HCK: variants seen among roughly 807,000 people sequenced by gnomAD.
The protein encoded by HCK is HCK proto-oncogene, Src family tyrosine kinase.
In HCK, 40 loss-of-function variants were observed where a neutral mutation model predicts 70.4. The observed-to-expected ratio is 0.57, with a 90% confidence interval of 0.44 to 0.74. The LOEUF is 0.74. HCK is among the 30% of genes least tolerant of loss of function. The pLI is 0.00. For synonymous variants in HCK, 245 were observed against 263.2 expected (o/e 0.93, Z 0.67); for missense variants, 568 against 697.2 (o/e 0.81, Z 2.09).
intron 1 of HCK, among the ~76,000 whole-genome samples, chr20:32,059,997 A>C (rs534270649): frequency 1.8e-4 from 28 of 152,212 alleles, no homozygotes; most frequent in African/African-American, 6.7e-4. Flanking sequence ...TGAGGATTCC[A>C]TTTGTGGAGG....
intron 1 of HCK, among the ~76,000 whole-genome samples, chr20:32,062,646 G>A (rs1019654497): frequency 2.0e-5 from 3 of 152,130 alleles, no homozygotes; most frequent in Non-Finnish European, 4.4e-5. Context: ...GATCTCCCAA[G>A]TTTCCTCCTG....
intron 1 of HCK, among the ~76,000 whole-genome samples, chr20:32,060,323 CAA>C (rs2045349570): frequency 6.6e-6 from 1 of 152,190 alleles, no homozygotes; most frequent in South Asian, 2.1e-4. Flanking sequence ...TGAGTTCAAG[CAA>C]TTCTCCTGCC....
Position 32,061,350 on chromosome 20 carries a change from G to C in HCK, c.62+8864G>C, listed in dbSNP as rs190257225. ...CCTTGGCCAAAGTCTCTTGACAGAG[G>C]TCCCCCAGACATGGGTGGGCTTCGG... On this transcript the variant is annotated intron_variant, in intron 1 of 12. Transcript: ENST00000375852. Among the ~76,000 whole-genome samples, 591 of 152,338 alleles carry C rather than the reference G, an allele frequency of 3.9e-3. 1 individual carries two copies. The highest frequency in any genetic ancestry group is 0.013 in the African/African-American group (559 of 41,578).
At chr20:32,093,490 CGTGTGTGTGTGT>C (rs3073297) in intron 10 of HCK, among the ~76,000 whole-genome samples, 7 of 146,420 alleles carry the variant, frequency 4.8e-5, no homozygotes, top group East Asian at 2.1e-4. Context: ...TCCTAGGGTT[CGTGTGTGTGTGT>C]GTGTGTGTGT....
chr20:32,093,819 G>A (rs377461587), intron 10 of HCK, 44 bp from the exon 11 acceptor site: 21 of 1,569,070 alleles, frequency 1.3e-5, no homozygotes, highest in African/African-American at 5.5e-5. Context: ...CCATCTTGGC[G>A]TAGGCCAGGT....
chr20:32,061,348 A>G (rs2045373098), intron 1 of HCK, among the ~76,000 whole-genome samples: 1 of 152,200 alleles, frequency 6.6e-6, no homozygotes, highest in Non-Finnish European at 1.5e-5. Context: ...CTCTTGACAG[A>G]GGTCCCCCAG....
chr20:32,076,429 C>T (rs1359530845), intron 5 of HCK, among the ~76,000 whole-genome samples: 1 of 152,190 alleles, frequency 6.6e-6, no homozygotes, highest in East Asian at 1.9e-4. Flanking sequence ...TCATCCCATG[C>T]TCTGTTTCTC....
chr20:32,077,874 G>A (rs1011843693), intron 5 of HCK, among the ~76,000 whole-genome samples: 9 of 151,998 alleles, frequency 5.9e-5, no homozygotes, highest in Admixed American at 2.0e-4. Flanking sequence ...ATGTCCTACC[G>A]TCCATTTAAC....
chr20:32,101,134 T>C (rs1337831497), intron 12 of HCK, among the ~76,000 whole-genome samples, 183 bp from the exon 13 acceptor site: 1 of 152,140 alleles, frequency 6.6e-6, no homozygotes, highest in Non-Finnish European at 1.5e-5. Flanking sequence ...CCAAACTGGG[T>C]CCCAGGCCCA....
At chr20:32,069,754 A>G (rs2045511080) in intron 1 of HCK, 1 of 1,276,256 alleles carries the variant, frequency 7.8e-7, no homozygotes, top group Non-Finnish European at 1.0e-6. Context: ...CAGAAGAGGT[A>G]AATCCTTGTA....
At position 32,088,613 on chromosome 20, in the gene HCK, C is replaced by T. The variant is rs2045822188; in HGVS notation, c.1061C>T (p.Pro354Leu). 2.5e-6 allele frequency: 4 copies of T among 1,614,044 alleles called. No homozygotes were observed. Among genetic ancestry groups the T allele is most frequent in the Non-Finnish European group, 3.4e-6 (4 of 1,179,990 alleles). Residue 354 changes from proline (P) to leucine (L), a missense_variant, in exon 10 of 13, where the codon CCA becomes CTA. Pro to Leu is a moderately conservative substitution (Grantham distance 98). Transcript: ENST00000375852. ...AAAAGTGATGAGGGCAGCAAGCAGC[C>T]ATTGCCAAAACTCATTGACTTCTCA...
chr20:32,056,530 C>T (rs1318360181), intron 1 of HCK, among the ~76,000 whole-genome samples: 1 of 147,866 alleles, frequency 6.8e-6, no homozygotes, highest in African/African-American at 2.5e-5. Flanking sequence ...AAAAAAAAAA[C>T]AGTAGTTCTA....
chr20:32,052,699 G>A (rs903309596), intron 1 of HCK, among the ~76,000 whole-genome samples: 1 of 151,814 alleles, frequency 6.6e-6, no homozygotes, highest in Admixed American at 6.5e-5. Context: ...GTTGCGGACT[G>A]CTGGATTCCC....
intron 7 of HCK, 75 bp downstream of exon 7, chr20:32,084,118 C>T: frequency 6.7e-7 from 1 of 1,488,152 alleles, no homozygotes; most frequent in Non-Finnish European, 9.2e-7. Flanking sequence ...CACTGTGGCC[C>T]CTGAGACCTG....
chr20:32,064,908 C>A (rs958755951), intron 1 of HCK, among the ~76,000 whole-genome samples: 14 of 152,224 alleles, frequency 9.2e-5, no homozygotes, highest in African/African-American at 3.4e-4. Flanking sequence ...GTATCTTTAC[C>A]AGGGATCAGC....
chr20:32,096,448 C>T (rs570684213), intron 11 of HCK, among the ~76,000 whole-genome samples: 3 of 148,132 alleles, frequency 2.0e-5, no homozygotes, highest in Non-Finnish European at 4.4e-5. Flanking sequence ...AGCAATGAGC[C>T]GAGATTGTGC....
chr20:32,071,815 C>T (rs1483330341), intron 2 of HCK, 33 bp downstream of exon 2: 3 of 1,605,292 alleles, frequency 1.9e-6, no homozygotes, highest in Non-Finnish European at 1.7e-6. Context: ...TCCCTGGGGG[C>T]TGACGGATGC....
chr20:32,084,630 C>A, intron 8 of HCK, 87 bp downstream of exon 8: 3 of 1,255,414 alleles, frequency 2.4e-6, no homozygotes, highest in South Asian at 1.4e-5. Flanking sequence ...TATGGCAAAG[C>A]GGGAATGCTA....
chr20:32,066,964 A>G (rs1421685301), intron 1 of HCK, among the ~76,000 whole-genome samples: 2 of 152,074 alleles, frequency 1.3e-5, no homozygotes, highest in African/African-American at 2.4e-5. Flanking sequence ...CTTTCCCCCA[A>G]TCTTTATCTA....
Sources: allele counts gnomAD v4.1 joint callset (sites outside exome capture counted in the v4.1 genomes callset), GRCh38; gene constraint gnomAD v4.1.1; transcripts MANE v1.5; gene names NCBI Gene and HGNC (gene_info 2026-07-23, HGNC 2026-07-21).